The following ABCA1 variants were observed in gnomAD, a reference collection of about 807,000 sequenced individuals.
ABCA1 encodes ATP binding cassette subfamily A member 1.
ABCA1 carries 133 observed loss-of-function variants against 262.5 expected under a neutral mutation model. The observed-to-expected ratio is 0.51, with a 90% CI of 0.44 to 0.59. ABCA1 has a LOEUF of 0.59. Ranked by LOEUF, ABCA1 falls within the 20% of genes least tolerant of loss-of-function variation. The pLI, the probability that ABCA1 is intolerant of heterozygous loss-of-function variation, is 0.00. For synonymous variants in ABCA1, 1,022 were observed against 1,043.5 expected (o/e 0.98, Z 0.40); for missense variants, 2,452 against 2,777.5 (o/e 0.88, Z 2.63).
At chr9:104,910,691 A>C (rs1367997605) in intron 1 of ABCA1, among the ~76,000 whole-genome samples, 2 of 152,158 alleles carry the variant, frequency 1.3e-5, no homozygotes, top group African/African-American at 4.8e-5. Context: ...AGCTATCAAT[A>C]TCTCTCTTTT....
chr9:104,798,373 C>T, intron 37 of ABCA1, 48 bp downstream of exon 37: 3 of 1,596,520 alleles, frequency 1.9e-6, no homozygotes, highest in Non-Finnish European at 2.6e-6. Context: ...CATATCAATC[C>T]ATGGCCCTGA....
chr9:104,798,565 G>A lies in ABCA1; in HGVS notation c.4977C>T (p.Ile1659=). The A allele has an allele frequency of 6.2e-7, 1 of 1,614,204 alleles. No individual in the cohort carries two copies. The highest frequency in any genetic ancestry group is 8.5e-7 in the Non-Finnish European group (1 of 1,180,022). Residue 1659 remains isoleucine, a synonymous_variant, in exon 37 of 50, where the codon ATC becomes ATT. Coordinates refer to ENST00000374736, the MANE Select transcript of ABCA1 (RefSeq NM_005502.4). ...CGAAGGACATTGCAAAGATGACACA[G>A]ATGGACACAAGGACATCCACTGATG... The part of the protein sequence containing the change: ...MTTSVDVLVS[I]CVIFAMSFVP...
intron 7 of ABCA1, among the ~76,000 whole-genome samples, chr9:104,852,492 C>T (rs983023321): frequency 6.6e-6 from 1 of 152,196 alleles, no homozygotes; most frequent in African/African-American, 2.4e-5. Context: ...TCTACTACCA[C>T]ATAATTCAGA....
At chr9:104,906,581 C>T (rs1219176255) in intron 1 of ABCA1, among the ~76,000 whole-genome samples, 2 of 151,954 alleles carry the variant, frequency 1.3e-5, no homozygotes, top group Admixed American at 1.3e-4. Context: ...ACTGACCTGG[C>T]CTCCTGCACA....
At chr9:104,865,446 G>T (rs1389399743) in intron 5 of ABCA1, among the ~76,000 whole-genome samples, 1 of 150,010 alleles carries the variant, frequency 6.7e-6, no homozygotes, top group Non-Finnish European at 1.5e-5. Flanking sequence ...AACGTGGGAG[G>T]CAGTGGTTGC....
At chr9:104,868,133 G>C (rs961300160) in intron 5 of ABCA1, among the ~76,000 whole-genome samples, 1 of 152,162 alleles carries the variant, frequency 6.6e-6, no homozygotes, top group Non-Finnish European at 1.5e-5. Context: ...GCCAAGACGG[G>C]TGGATCAACT....
intron 1 of ABCA1, among the ~76,000 whole-genome samples, chr9:104,922,956 A>T (rs1842226170): frequency 6.6e-6 from 1 of 152,158 alleles, no homozygotes; most frequent in African/African-American, 2.4e-5. Context: ...ACCTCAAGTG[A>T]TCCTCCTGCT....
intron 1 of ABCA1, among the ~76,000 whole-genome samples, chr9:104,911,105 T>G (rs999937305): frequency 6.6e-6 from 1 of 152,170 alleles, no homozygotes; most frequent in Non-Finnish European, 1.5e-5. Context: ...GTTCTAGATG[T>G]CTTATATCAA....
At chr9:104,814,591 G>A (rs1588278279) in intron 25 of ABCA1, 116 bp from the exon 26 acceptor site, 1 of 1,052,086 alleles carries the variant, frequency 9.5e-7, no homozygotes. Flanking sequence ...AGAGAAAGTA[G>A]AAGCCACATT....
chr9:104,885,549 T>C (rs138178816), intron 3 of ABCA1, among the ~76,000 whole-genome samples: 30 of 152,322 alleles, frequency 2.0e-4, no homozygotes, highest in Admixed American at 7.2e-4. Flanking sequence ...TGTTGTTTTG[T>C]CACTAATTAA....
chr9:104,843,032 A>C (rs1052822975), intron 8 of ABCA1, among the ~76,000 whole-genome samples: 1 of 151,944 alleles, frequency 6.6e-6, no homozygotes, highest in African/African-American at 2.4e-5. Context: ...TTCCCTCACC[A>C]CAGACATGCT....
chr9:104,803,244 C>T, intron 33 of ABCA1, 40 bp downstream of exon 33: 1 of 1,609,556 alleles, frequency 6.2e-7, no homozygotes, highest in South Asian at 1.1e-5. Flanking sequence ...CAACACCATC[C>T]TCCCCCTGAG....
intron 1 of ABCA1, among the ~76,000 whole-genome samples, chr9:104,916,202 A>AAAAAAT (rs1397559690): frequency 1.3e-5 from 2 of 152,210 alleles, no homozygotes; most frequent in East Asian, 3.8e-4. Flanking sequence ...TAAAGTAAAA[A>AAAAAAT]AAAAATAAAA....
intron 14 of ABCA1, 29 bp from the exon 15 acceptor site, chr9:104,829,167 G>A (rs369541503): frequency 1.3e-5 from 21 of 1,612,324 alleles, no homozygotes; most frequent in African/African-American, 6.7e-5. Context: ...GACAAGGGGA[G>A]AAAGAAAGAC....
intron 2 of ABCA1, among the ~76,000 whole-genome samples, chr9:104,900,737 CCT>C (rs1357086638): frequency 6.6e-6 from 1 of 152,204 alleles, no homozygotes; most frequent in African/African-American, 2.4e-5. Context: ...CCTGTGCCCC[CCT>C]GAGCCCCAGT....
Position 104,846,854 on chromosome 9 carries a change from C to T in ABCA1, c.721-1285G>A, listed in dbSNP as rs559261781. On this transcript the variant is annotated intron_variant, in intron 7 of 49. Coordinates refer to ENST00000374736, the MANE Select transcript of ABCA1 (RefSeq NM_005502.4). ...CAGAGGTGTTCATGATTGTTCCTTC[C>T]ATAGAGAGTAATTCATGAGCAAAAA... Among the ~76,000 whole-genome samples the T allele has an allele frequency of 2.6e-5, 4 of 152,270 alleles. No homozygotes were observed. In the East Asian group the frequency reaches 7.7e-4, roughly 29 times the overall value.
Position 104,904,274 on chromosome 9 carries a change from T to C in ABCA1, c.-92-503A>G, listed in dbSNP as rs187523405. On this transcript the variant is annotated intron_variant, in intron 1 of 49. Coordinates refer to ENST00000374736, the MANE Select transcript of ABCA1 (RefSeq NM_005502.4). ...TTATACAACTGAGTCCTTCAAATGA[T>C]AAAAAGCACCATCGGCCAGGCGTGG... is the stretch of plus-strand genomic sequence containing the variant. Among the ~76,000 whole-genome samples the C allele has an allele frequency of 3.9e-5, 6 of 152,180 alleles. No homozygotes were observed. The East Asian group carries it at 1.2e-3, about 29-fold the overall frequency.
chr9:104,844,113 G>T (rs1172548823), intron 8 of ABCA1, among the ~76,000 whole-genome samples: 1 of 151,664 alleles, frequency 6.6e-6, no homozygotes, highest in East Asian at 1.9e-4. Flanking sequence ...CCCTGTTACA[G>T]ACCCTGCTTT....
intron 35 of ABCA1, 123 bp from the exon 36 acceptor site, chr9:104,800,111 A>G: frequency 9.5e-7 from 1 of 1,054,934 alleles, no homozygotes. Context: ...CCAAGGCAAA[A>G]CACTATGATC....
Sources: allele counts gnomAD v4.1 joint callset (sites outside exome capture counted in the v4.1 genomes callset), GRCh38; gene constraint gnomAD v4.1.1; transcripts MANE v1.5; gene names NCBI Gene and HGNC (gene_info 2026-07-23, HGNC 2026-07-21).